The following PHACTR4 variants were observed in gnomAD, a reference collection of about 807,000 sequenced individuals.
The protein encoded by PHACTR4 is phosphatase and actin regulator 4.
A neutral mutation model predicts 72.7 loss-of-function variants in PHACTR4; 51 were observed. The ratio of observed to expected loss-of-function variants is 0.70; its 90% CI spans 0.56 to 0.89. The LOEUF (loss-of-function observed/expected upper bound fraction) is 0.89. PHACTR4 is among the 40% of genes least tolerant of loss of function. The pLI is 0.00. For synonymous variants in PHACTR4, 255 were observed against 302.5 expected (o/e 0.84, Z 1.63); for missense variants, 731 against 861.8 (o/e 0.85, Z 1.90).
intron 6 of PHACTR4, among the ~76,000 whole-genome samples, chr1:28,467,762 G>A (rs2124488224): frequency 1.3e-5 from 2 of 152,156 alleles, no homozygotes; most frequent in South Asian, 4.1e-4. Context: ...AATAAGTGAT[G>A]GTAGAGAAAG....
chr1:28,470,722 ATAAATT>A (rs756294973), intron 6 of PHACTR4, among the ~76,000 whole-genome samples: 5 of 151,608 alleles, frequency 3.3e-5, no homozygotes, highest in African/African-American at 1.2e-4. Context: ...AAAAATAAAA[ATAAATT>A]TAAAAAGAAA....
intron 3 of PHACTR4, 48 bp downstream of exon 3, chr1:28,459,306 G>A (rs759433689): frequency 1.3e-6 from 2 of 1,501,260 alleles, no homozygotes; most frequent in East Asian, 4.7e-5. Flanking sequence ...AATTCTCTAT[G>A]TTAGATGTAT....
At chr1:28,379,354 A>G (rs1255761699) in intron 1 of PHACTR4, among the ~76,000 whole-genome samples, 3 of 148,808 alleles carry the variant, frequency 2.0e-5, no homozygotes, top group South Asian at 2.1e-4. Context: ...TGCAACCTCT[A>G]CCTCCTCAGG....
At chr1:28,434,112 A>G (rs1308766070) in intron 2 of PHACTR4, among the ~76,000 whole-genome samples, 1 of 152,170 alleles carries the variant, frequency 6.6e-6, no homozygotes, top group Non-Finnish European at 1.5e-5. Context: ...GTTGTAGAGC[A>G]TGGACTTCCT....
In PHACTR4 at chr1:28,493,127, G is replaced by A. The variant is rs746442316; in HGVS notation, c.2093+36G>A. ...AAAGACCCAATCATATATGTGCTAG[G>A]TAGAGTTTTCCAAAAAATTGTTCAG... On this transcript the variant is annotated intron_variant, in intron 13 of 13. Coordinates refer to ENST00000373839, the MANE Select transcript of PHACTR4 (RefSeq NM_001048183.3). 3 of 1,576,816 alleles carry A rather than the reference G, an allele frequency of 1.9e-6. No individual in the cohort carries two copies. The East Asian group carries it at 6.7e-5, about 35-fold the overall frequency.
intron 2 of PHACTR4, among the ~76,000 whole-genome samples, chr1:28,447,256 C>T (rs1338742038): frequency 6.6e-6 from 1 of 152,096 alleles, no homozygotes; most frequent in Non-Finnish European, 1.5e-5. Context: ...AGGTGATCCT[C>T]CTGCCTTGGC....
Position 28,500,254 on chromosome 1 carries a change from C to T in PHACTR4, c.*3705C>T, listed in dbSNP as rs1661584797. 6.6e-6 allele frequency: 1 copy of T among 152,106 alleles called. No homozygotes were observed. The highest frequency in any genetic ancestry group is 1.5e-5 in the Non-Finnish European group (1 of 68,032). 9.4% of individuals were successfully genotyped at this position (152,106 alleles called of 1,614,324 possible). A position where few individuals can be genotyped will look rare whatever the true frequency, so the allele number is the denominator to read the frequency against. On this transcript the variant is annotated 3_prime_UTR_variant, in exon 14 of 14. Coordinates refer to ENST00000373839, the MANE Select transcript of PHACTR4 (RefSeq NM_001048183.3). Reference sequence around the variant, plus strand: ...AATGAAAGCCTGGTGTATTGTACTTCAAGATGCCTCCCTGATGTATAGAAT... The same window carrying T: ...AATGAAAGCCTGGTGTATTGTACTTTAAGATGCCTCCCTGATGTATAGAAT...
chr1:28,443,045 G>T (rs1207314714), intron 2 of PHACTR4, among the ~76,000 whole-genome samples: 1 of 151,760 alleles, frequency 6.6e-6, no homozygotes, highest in Non-Finnish European at 1.5e-5. Context: ...CTGTAATTTT[G>T]TATTCTTTAA....
At chr1:28,446,186 C>G (rs1233268677) in intron 2 of PHACTR4, among the ~76,000 whole-genome samples, 1 of 152,144 alleles carries the variant, frequency 6.6e-6, no homozygotes, top group Non-Finnish European at 1.5e-5. Context: ...ATCCAGTGTT[C>G]AGGAGGAGGT....
intron 1 of PHACTR4, among the ~76,000 whole-genome samples, chr1:28,391,038 T>C (rs572146912): frequency 2.5e-4 from 37 of 149,580 alleles, no homozygotes; most frequent in Admixed American, 6.0e-4. Flanking sequence ...GTTGAGGCTG[T>C]AGTGAGCCGT....
chr1:28,409,613 C>T (rs1220220438), intron 2 of PHACTR4, among the ~76,000 whole-genome samples: 1 of 152,170 alleles, frequency 6.6e-6, no homozygotes, highest in Non-Finnish European at 1.5e-5. Flanking sequence ...GGAAAGAAGT[C>T]TGAATCCCTT....
chr1:28,495,947 G>T (rs779609969), intron 13 of PHACTR4, among the ~76,000 whole-genome samples: 1 of 151,786 alleles, frequency 6.6e-6, no homozygotes, highest in African/African-American at 2.4e-5. Context: ...TATTTAAAGG[G>T]TAGACAGAGG....
At position 28,499,194 on chromosome 1, in the gene PHACTR4, G is replaced by GGTGCAATC. The variant is rs1661530174; in HGVS notation, c.*2646_*2653dup. 6.6e-6 allele frequency: 1 copy of GGTGCAATC among 152,062 alleles called. No individual in the cohort carries two copies. Among genetic ancestry groups the GGTGCAATC allele is most frequent in the Non-Finnish European group, 1.5e-5 (1 of 68,244 alleles). The allele number at this position is 152,062 out of a possible 1,614,324, so 9.4% of individuals were successfully genotyped here. On this transcript the variant is annotated 3_prime_UTR_variant, in exon 14 of 14. Coordinates refer to ENST00000373839, the MANE Select transcript of PHACTR4 (RefSeq NM_001048183.3). ...CTTGTTGCCCAGGCCGGAGTGCAAT[G>GGTGCAATC]GTGCAATCTCAGCTCACTGCAACCT...
chr1:28,386,983 C>A (rs530250167), intron 1 of PHACTR4, among the ~76,000 whole-genome samples: 2 of 152,202 alleles, frequency 1.3e-5, no homozygotes, highest in South Asian at 4.1e-4. Flanking sequence ...AGCCCTCAGG[C>A]TGGGCGAGAT....
At chr1:28,435,779 A>G (rs1438167855) in intron 2 of PHACTR4, among the ~76,000 whole-genome samples, 1 of 152,100 alleles carries the variant, frequency 6.6e-6, no homozygotes, top group East Asian at 1.9e-4. Flanking sequence ...TATGTTGAGC[A>G]CCTCCTGAGT....
chr1:28,495,336 G>A (rs1477638840), intron 13 of PHACTR4, among the ~76,000 whole-genome samples: 1 of 151,492 alleles, frequency 6.6e-6, no homozygotes, highest in African/African-American at 2.4e-5. Flanking sequence ...TTGAATTCCT[G>A]GCCTCAAGTG....
intron 6 of PHACTR4, among the ~76,000 whole-genome samples, chr1:28,469,109 C>G (rs186709639): frequency 2.5e-4 from 38 of 152,286 alleles, no homozygotes; most frequent in Non-Finnish European, 7.3e-5. Context: ...AAAGGACTCT[C>G]TTTTATTCTA....
intron 2 of PHACTR4, among the ~76,000 whole-genome samples, chr1:28,414,711 G>A (rs979878646): frequency 6.6e-6 from 1 of 152,032 alleles, no homozygotes; most frequent in East Asian, 1.9e-4. Flanking sequence ...CCTACCATCA[G>A]TTGCCTTTTG....
chr1:28,414,427 C>CAAA lies in PHACTR4; in HGVS notation c.16+6984_16+6986dup, dbSNP rs765271793. Among the ~76,000 whole-genome samples the CAAA allele has an allele frequency of 4.4e-3, 270 of 61,148 alleles. 7 individuals carry two copies. Among genetic ancestry groups the CAAA allele is most frequent in the East Asian group, 0.032 (55 of 1,742 alleles). The allele number at this position is 61,148 out of a possible 152,430, so 40.1% of individuals were successfully genotyped here. On this transcript the variant is annotated intron_variant, in intron 2 of 13. Coordinates refer to ENST00000373839, the MANE Select transcript of PHACTR4 (RefSeq NM_001048183.3). ...TTTTGGGGTCAGTCTTCCTCTGTCT[C>CAAA]AAAAAAAAAAAAAAAAAAAAAAGCA...
Sources: gnomAD v4.1 joint callset for allele counts (sites outside exome capture counted in the v4.1 genomes callset) on GRCh38, gnomAD v4.1.1 for gene constraint, MANE v1.5 for transcripts, NCBI Gene and HGNC (gene_info 2026-07-23, HGNC 2026-07-21) for gene names.